The following MED13L variants were observed in gnomAD, a reference collection of about 807,000 sequenced individuals.
MED13L encodes mediator complex subunit 13L.
Under a neutral mutation model 220.9 loss-of-function variants are expected in MED13L, and 7 were observed. That is an observed-to-expected ratio of 0.03 (90% CI 0.02 to 0.06). The LOEUF (loss-of-function observed/expected upper bound fraction) is 0.06, where lower values mean the gene tolerates loss of function less well. Among genes scored for constraint, MED13L ranks in the 10% least tolerant of loss-of-function variants. The probability of loss-of-function intolerance (pLI) is 1.00; values close to 1 mark genes in which losing one functional copy is unlikely to be tolerated. For synonymous variants in MED13L, 1,011 were observed against 1,015.2 expected, an observed-to-expected ratio of 1.00 and a Z score of 0.08; for missense variants, 1,965 against 2,760.5, an observed-to-expected ratio of 0.71 and a Z score of 6.46.
intron 3 of MED13L, chr12:116,110,384 A>C (rs1445258514): frequency 2.6e-5 from 4 of 151,596 alleles, no homozygotes; most frequent in Middle Eastern, 3.4e-3. Flanking sequence ...TAAATAAATA[A>C]ATAAGGAAAT....
intron 2 of MED13L, among the ~76,000 whole-genome samples, chr12:116,190,449 G>A (rs573955639): frequency 6.4e-4 from 98 of 152,292 alleles, no homozygotes; most frequent in Non-Finnish European, 1.2e-3. Context: ...TATGGAACTT[G>A]TGAATACAGA....
chr12:115,971,843 A>C (rs1454500103), intron 26 of MED13L, among the ~76,000 whole-genome samples: 1 of 152,196 alleles, frequency 6.6e-6, no homozygotes, highest in East Asian at 1.9e-4. Context: ...ACTCTATGAG[A>C]TCTCAATGAT....
At chr12:116,036,464 C>CT (rs1418417463) in intron 4 of MED13L, among the ~76,000 whole-genome samples, 2 of 152,294 alleles carry the variant, frequency 1.3e-5, no homozygotes, top group Admixed American at 1.3e-4. Flanking sequence ...TCTAAATCCT[C>CT]TAAAAAGATA....
intron 25 of MED13L, chr12:115,972,603 C>T: frequency 3.1e-6 from 1 of 325,454 alleles, no homozygotes; most frequent in Non-Finnish European, 6.0e-6. Context: ...CCGATTCTTT[C>T]AGTACTCTGC....
intron 1 of MED13L, among the ~76,000 whole-genome samples, chr12:116,272,722 T>C (rs1327262994): frequency 6.6e-6 from 1 of 152,142 alleles, no homozygotes; most frequent in East Asian, 1.9e-4. Context: ...CACAGCAAAA[T>C]ATTTGTAGCA....
chr12:116,246,206 CAAA>C (rs77427246), intron 1 of MED13L, among the ~76,000 whole-genome samples: 5 of 100,242 alleles, frequency 5.0e-5, no homozygotes, highest in Admixed American at 1.1e-4. Context: ...TTTAGACATG[CAAA>C]AAAAAAAAAA....
chr12:116,129,817 G>A (rs1391304134), intron 2 of MED13L, among the ~76,000 whole-genome samples: 3 of 151,830 alleles, frequency 2.0e-5, no homozygotes, highest in African/African-American at 7.3e-5. Context: ...GCTGAGGCAG[G>A]AGAATCACTT....
At chr12:116,131,429 C>T (rs1876057331) in intron 2 of MED13L, among the ~76,000 whole-genome samples, 6 of 152,188 alleles carry the variant, frequency 3.9e-5, no homozygotes. Context: ...ATGCTTACTT[C>T]TCTTTGCAAA....
intron 1 of MED13L, among the ~76,000 whole-genome samples, chr12:116,269,965 TC>T (rs989427770): frequency 6.6e-6 from 1 of 151,758 alleles, no homozygotes; most frequent in South Asian, 2.1e-4. Flanking sequence ...TTTTTTTTTT[TC>T]AAACTAGAAT....
chr12:116,187,935 T>G (rs1881003405), intron 2 of MED13L, among the ~76,000 whole-genome samples: 1 of 152,040 alleles, frequency 6.6e-6, no homozygotes, highest in Non-Finnish European at 1.5e-5. Flanking sequence ...AAAAGCCTCT[T>G]GAACACAGCA....
chr12:116,066,007 G>C (rs1404817391), intron 4 of MED13L, among the ~76,000 whole-genome samples: 1 of 152,196 alleles, frequency 6.6e-6, no homozygotes, highest in East Asian at 1.9e-4. Flanking sequence ...TGCAGAATCT[G>C]TGTGTGAATG....
chr12:116,162,412 T>C (rs1231366535), intron 2 of MED13L, among the ~76,000 whole-genome samples: 1 of 152,168 alleles, frequency 6.6e-6, no homozygotes, highest in Admixed American at 6.5e-5. Context: ...ATTTTGTCTT[T>C]TGACACAAGA....
intron 2 of MED13L, among the ~76,000 whole-genome samples, chr12:116,213,963 T>C (rs187472667): frequency 1.8e-4 from 27 of 152,298 alleles, no homozygotes; most frequent in African/African-American, 4.1e-4. Context: ...CCATCTTGTA[T>C]AGATTTCCCT....
At chr12:116,226,761 T>A (rs2138415594) in intron 2 of MED13L, among the ~76,000 whole-genome samples, 1 of 150,698 alleles carries the variant, frequency 6.6e-6, no homozygotes, top group Middle Eastern at 3.5e-3. Context: ...CCCAGCTACT[T>A]GGGAGGCTGA....
At chr12:115,987,710 T>C (rs1877792737) in intron 17 of MED13L, among the ~76,000 whole-genome samples, 1 of 152,226 alleles carries the variant, frequency 6.6e-6, no homozygotes, top group Non-Finnish European at 1.5e-5. Flanking sequence ...AAATAAAAGC[T>C]TTTAAAAACT....
At chr12:115,961,662 A>T (rs1875766199) in intron 30 of MED13L, 1 of 499,442 alleles carries the variant, frequency 2.0e-6, no homozygotes, top group Non-Finnish European at 3.6e-6. Flanking sequence ...CAGGTAAAGT[A>T]GGCACTGGAG....
At chr12:116,027,802 C>T (rs141471573) in intron 4 of MED13L, among the ~76,000 whole-genome samples, 1 of 152,276 alleles carries the variant, frequency 6.6e-6, no homozygotes, top group African/African-American at 2.4e-5. Context: ...AAAAACCGCA[C>T]TGAGAACAGA....
chr12:115,970,588 A>G lies in MED13L; in HGVS notation c.6067+6T>C. 1.2e-6 allele frequency: 2 copies of G among 1,613,234 alleles called. No homozygotes were observed. Among genetic ancestry groups the G allele is most frequent in the Non-Finnish European group, 1.7e-6 (2 of 1,179,372 alleles). Reference sequence around the variant, plus strand: ...TGAGCACTATCCATACAGGTCTTCTACTCACCATTGTTGGGGCTAAACCCA... The same window carrying G: ...TGAGCACTATCCATACAGGTCTTCTGCTCACCATTGTTGGGGCTAAACCCA... On this transcript the variant is annotated splice_donor_region_variant and intron_variant, in intron 27 of 30. Transcript: ENST00000281928.
chr12:116,143,580 T>A (rs1364543950), intron 2 of MED13L, among the ~76,000 whole-genome samples: 1 of 152,206 alleles, frequency 6.6e-6, no homozygotes, highest in Non-Finnish European at 1.5e-5. Flanking sequence ...CACATTAATT[T>A]ATACTTCCTC....
Sources: allele counts gnomAD v4.1 joint callset (sites outside exome capture counted in the v4.1 genomes callset), GRCh38; gene constraint gnomAD v4.1.1; transcripts MANE v1.5; gene names NCBI Gene and HGNC (gene_info 2026-07-23, HGNC 2026-07-21).